UBQLN1: variants seen among roughly 807,000 people sequenced by gnomAD.
UBQLN1 encodes ubiquilin 1, also known as ubiquilin-1.
UBQLN1 carries 13 observed loss-of-function variants against 65.4 expected under a neutral mutation model. The ratio of observed to expected loss-of-function variants is 0.20; its 90% CI spans 0.13 to 0.32. The LOEUF (loss-of-function observed/expected upper bound fraction) is 0.32, where lower values mean the gene tolerates loss of function less well. UBQLN1 is among the 10% of genes least tolerant of loss of function. The probability of loss-of-function intolerance (pLI) is 1.00; values close to 1 mark genes in which losing one functional copy is unlikely to be tolerated. For synonymous variants in UBQLN1, 267 were observed against 247.8 expected (o/e 1.08, Z -0.73); for missense variants, 561 against 724.0 (o/e 0.77, Z 2.58).
chr9:83,685,131 T>G (rs1832018454), intron 2 of UBQLN1, among the ~76,000 whole-genome samples: 1 of 148,852 alleles, frequency 6.7e-6, no homozygotes, highest in African/African-American at 2.4e-5. Context: ...TTACCATGTA[T>G]TCAGAATAGC....
At chr9:83,705,936 T>TA (rs200199388) in intron 1 of UBQLN1, among the ~76,000 whole-genome samples, 2,315 of 131,674 alleles carry the variant, frequency 0.018, 32 homozygotes, top group African/African-American at 0.048. Context: ...ACTTAGGGCA[T>TA]AAAAAAAAAA....
intron 10 of UBQLN1, among the ~76,000 whole-genome samples, chr9:83,662,825 G>C (rs1442610820): frequency 6.6e-6 from 1 of 152,240 alleles, no homozygotes; most frequent in Non-Finnish European, 1.5e-5. Context: ...TGTAATCCCA[G>C]CACTTTGGGA....
chr9:83,690,502 C>T (rs188299931), intron 1 of UBQLN1, among the ~76,000 whole-genome samples: 215 of 152,218 alleles, frequency 1.4e-3, no homozygotes, highest in African/African-American at 4.8e-3. Flanking sequence ...CGAACCTGTA[C>T]ATTTATGACA....
Position 83,679,147 on chromosome 9 carries a change from C to A in UBQLN1, c.712-548G>T, listed in dbSNP as rs115054183. Among the ~76,000 whole-genome samples, 396 of 152,322 alleles carry A rather than the reference C, an allele frequency of 2.6e-3. 2 individuals carry two copies. Among genetic ancestry groups the A allele is most frequent in the African/African-American group, 8.7e-3 (360 of 41,574 alleles). The stretch of plus-strand genomic sequence containing the variant: ...ACTATGAAAGGGGCCAGTTTCCCCC[C>A]CAAAACCATAGTAAGCTGCAGTCAA... On this transcript the variant is annotated intron_variant, in intron 4 of 10. Transcript: ENST00000376395.
At chr9:83,664,621 G>T (rs115370009) in intron 9 of UBQLN1, among the ~76,000 whole-genome samples, 76 of 151,762 alleles carry the variant, frequency 5.0e-4, no homozygotes, top group Non-Finnish European at 5.7e-4. Flanking sequence ...AAATAAAAAC[G>T]GTGGGGGAGA....
chr9:83,699,962 T>C (rs1351397865), intron 1 of UBQLN1, among the ~76,000 whole-genome samples: 1 of 152,244 alleles, frequency 6.6e-6, no homozygotes, highest in Non-Finnish European at 1.5e-5. Context: ...TCTTGAAATC[T>C]GCCACAGTGA....
At chr9:83,690,745 C>CA (rs34407853) in intron 1 of UBQLN1, among the ~76,000 whole-genome samples, 85,682 of 146,328 alleles carry the variant, frequency 0.59, 25,161 homozygotes, top group East Asian at 0.84. Flanking sequence ...GACTCTGTCT[C>CA]AAAAAAAAAA....
chr9:83,703,523 T>C (rs1241711861), intron 1 of UBQLN1, among the ~76,000 whole-genome samples: 3 of 150,812 alleles, frequency 2.0e-5, no homozygotes, highest in African/African-American at 7.4e-5. Flanking sequence ...TATTCCAAAA[T>C]CCAAAAAAAA....
At position 83,659,998 on chromosome 9, in the gene UBQLN1, T is replaced by C. The variant is rs1331231397; in HGVS notation, c.*1789A>G. On this transcript the variant is annotated 3_prime_UTR_variant, in exon 11 of 11. Coordinates refer to ENST00000376395, the MANE Select transcript of UBQLN1 (RefSeq NM_013438.5). The stretch of plus-strand genomic sequence containing the variant: ...AAGCTAGAGATTTATTGTTATTTTA[T>C]GATTAATAAATTGTCAAATTAGTTA... 1 of 152,250 alleles carries C rather than the reference T, an allele frequency of 6.6e-6. No homozygotes were observed. The highest frequency in any genetic ancestry group is 2.4e-5 in the African/African-American group (1 of 41,468). 9.4% of individuals were successfully genotyped at this position (152,250 alleles called of 1,614,324 possible).
chr9:83,693,099 C>T (rs1587658216), intron 1 of UBQLN1, among the ~76,000 whole-genome samples: 3 of 152,194 alleles, frequency 2.0e-5, no homozygotes, highest in African/African-American at 7.2e-5. Context: ...ACAATAACTA[C>T]AGGCCAGAGA....
rs182194705 is a variant in UBQLN1, at chr9:83,692,618, C to T, written c.181-6463G>A. Among the ~76,000 whole-genome samples the T allele has an allele frequency of 8.5e-5, 13 of 152,196 alleles. 1 individual carries two copies. The East Asian group carries it at 2.5e-3, about 29-fold the overall frequency. ...CTGTAATCCCAGCACTTTGGGAGGC[C>T]GAGGCAGGCGGATCACCTGAGGTCG... On this transcript the variant is annotated intron_variant, in intron 1 of 10. Transcript: ENST00000376395.
At chr9:83,696,043 G>A (rs979361174) in intron 1 of UBQLN1, among the ~76,000 whole-genome samples, 2 of 152,022 alleles carry the variant, frequency 1.3e-5, no homozygotes, top group Admixed American at 1.3e-4. Context: ...GGATTCAAGC[G>A]ATTCTCCTGC....
intron 6 of UBQLN1, 65 bp from the exon 7 acceptor site, chr9:83,669,392 AAATAT>A: frequency 2.1e-6 from 3 of 1,418,850 alleles, no homozygotes; most frequent in South Asian, 1.4e-5. Flanking sequence ...TAAAGCTTTA[AAATAT>A]AATATGCACT....
At chr9:83,667,482 A>AT (rs1831660528) in intron 7 of UBQLN1, 1 of 985,016 alleles carries the variant, frequency 1.0e-6, no homozygotes, top group Admixed American at 6.2e-5. Flanking sequence ...TTTCAATACA[A>AT]TAACAAAAGC....
At chr9:83,693,445 A>G (rs1832160299) in intron 1 of UBQLN1, among the ~76,000 whole-genome samples, 1 of 148,756 alleles carries the variant, frequency 6.7e-6, no homozygotes, top group Non-Finnish European at 1.5e-5. Context: ...GGTATCTTGT[A>G]TCTGCCTTTT....
chr9:83,686,217 T>C, intron 1 of UBQLN1, 62 bp from the exon 2 acceptor site: 1 of 1,158,302 alleles, frequency 8.6e-7, no homozygotes, highest in Non-Finnish European at 1.2e-6. Flanking sequence ...CAGTCTAGTT[T>C]CTACAGGTAC....
chr9:83,695,947 A>ATT (rs35476718), intron 1 of UBQLN1, among the ~76,000 whole-genome samples: 3 of 149,836 alleles, frequency 2.0e-5, no homozygotes, highest in South Asian at 2.1e-4. Flanking sequence ...TTTCAAATTA[A>ATT]TTTTTTTTTT....
Position 83,683,050 on chromosome 9 carries a change from C to A in UBQLN1, c.349G>T (p.Ala117Ser). ...KTQNRPQDHS[A>S]QQTNTAGSNV... ...CTTCCAGCTGTATTTGTTTGCTGAG[C>A]TGAATGATCCTGAGGCCTAGGGAAA... is the stretch of plus-strand genomic sequence containing the variant. The change falls in exon 3 of 11, where the codon GCT (alanine) becomes TCT (serine). Residue 117 changes from alanine to serine, a missense_variant. Ala to Ser is a moderately conservative substitution (Grantham distance 99). Around this residue, in one of 8 missense-constraint regions of UBQLN1, gnomAD observed 87 missense variants for 88.8 expected, o/e 0.98. Transcript: ENST00000376395. The A allele has an allele frequency of 3.1e-6, 5 of 1,610,066 alleles. No individual in the cohort carries two copies. The highest frequency in any genetic ancestry group is 2.2e-5 in the East Asian group (1 of 44,852).
intron 4 of UBQLN1, among the ~76,000 whole-genome samples, chr9:83,679,380 T>C (rs1831901916): frequency 6.6e-6 from 1 of 152,170 alleles, no homozygotes; most frequent in South Asian, 2.1e-4. Flanking sequence ...TAAAAACCAA[T>C]TAAAGCTTTA....
Sources: allele counts gnomAD v4.1 joint callset (sites outside exome capture counted in the v4.1 genomes callset), GRCh38; gene constraint gnomAD v4.1.1; regional missense constraint gnomAD v4.1.1; transcripts MANE v1.5; gene names NCBI Gene and HGNC (gene_info 2026-07-23, HGNC 2026-07-21).